The following CHEK2 variants were observed in gnomAD, a reference collection of about 807,000 sequenced individuals.
CHEK2 encodes serine/threonine-protein kinase Chk2.
A neutral mutation model predicts 69.1 loss-of-function variants in CHEK2; 71 were observed. That is an observed-to-expected ratio of 1.03 (90% CI 0.85 to 1.25). CHEK2 has a LOEUF of 1.25. CHEK2 is among the 50% of genes most tolerant of loss of function. The pLI is 0.00. For missense variants in CHEK2, 664 were observed against 649.6 expected (o/e 1.02, Z -0.24); for synonymous variants, 189 against 226.9 (o/e 0.83, Z 1.50).
At chr22:28,721,281 G>GTTTTTTTTTTTTTTTTT (rs755378917) in intron 4 of CHEK2, among the ~76,000 whole-genome samples, 1 of 109,948 alleles carries the variant, frequency 9.1e-6, no homozygotes, top group African/African-American at 3.5e-5. Context: ...GTTTGTTTGG[G>GTTTTTTTTTTTTTTTTT]TTTTTTTTTT....
At chr22:28,737,642 A>G (rs1224287278) in intron 1 of CHEK2, among the ~76,000 whole-genome samples, 3 of 151,578 alleles carry the variant, frequency 2.0e-5, no homozygotes, top group Non-Finnish European at 2.9e-5. Flanking sequence ...GCTAATTTGT[A>G]TATTTTTTTT....
intron 5 of CHEK2, among the ~76,000 whole-genome samples, chr22:28,718,848 C>T (rs2053669113): frequency 6.6e-6 from 1 of 151,462 alleles, no homozygotes; most frequent in African/African-American, 2.4e-5. Flanking sequence ...TACCACTGCA[C>T]TCCAGCCTGT....
Position 28,703,555 on chromosome 22 carries a change from G to C in CHEK2, c.858C>G (p.Ile286Met), listed in dbSNP as rs2145878513. The C allele has an allele frequency of 6.4e-7, 1 of 1,559,322 alleles. No homozygotes were observed. Among genetic ancestry groups the C allele is most frequent in the South Asian group, 1.1e-5 (1 of 87,992 alleles). Residue 286 changes from isoleucine to methionine, a missense_variant, in exon 8 of 15, where the codon ATC (isoleucine) becomes ATG (methionine). By Grantham distance (10) the Ile-to-Met change is conservative. Coordinates refer to ENST00000404276, the MANE Select transcript of CHEK2 (RefSeq NM_007194.4). ...ILKKLNHPCI[I>M]KIKNFFDAED... ...CTGCATCAAAAAAGTTTTTAATCTT[G>C]ATGATGCAAGGCTAAGAAGAGGGGG...
chr22:28,717,431 GAATT>G (rs2145990382), intron 5 of CHEK2, among the ~76,000 whole-genome samples: 1 of 152,152 alleles, frequency 6.6e-6, no homozygotes, highest in African/African-American at 2.4e-5. Flanking sequence ...TTTACCTAAT[GAATT>G]AATATAAAAA....
Position 28,709,984 on chromosome 22 carries a change from T to C in CHEK2, c.846+22A>G, listed in dbSNP as rs376417788. The stretch of plus-strand genomic sequence containing the variant: ...ATTTTGAGATAGATAAATCTAAGTA[T>C]GAGTCATATAATAATACTTACATGA... On this transcript the variant is annotated intron_variant, in intron 7 of 14. Coordinates refer to ENST00000404276, the MANE Select transcript of CHEK2 (RefSeq NM_007194.4). 1.5e-5 allele frequency: 19 copies of C among 1,246,174 alleles called. No individual in the cohort carries two copies. In the African/African-American group the frequency reaches 2.8e-4, roughly 18 times the overall value. 77.2% of individuals were successfully genotyped at this position (1,246,174 alleles called of 1,614,324 possible). A position where few individuals can be genotyped will look rare whatever the true frequency, so the allele number is the denominator to read the frequency against.
At chr22:28,738,393 G>A (rs756714465) in intron 1 of CHEK2, among the ~76,000 whole-genome samples, 4 of 152,168 alleles carry the variant, frequency 2.6e-5, no homozygotes, top group Non-Finnish European at 5.9e-5. Flanking sequence ...AAGTTACTAT[G>A]AGAGATTAGA....
chr22:28,696,327 T>C (rs1174465561), intron 10 of CHEK2, among the ~76,000 whole-genome samples: 1 of 152,202 alleles, frequency 6.6e-6, no homozygotes. Context: ...TCTAAAGTGA[T>C]GCCAGACTTG....
chr22:28,704,989 C>G (rs5762752), intron 7 of CHEK2, among the ~76,000 whole-genome samples: 91,412 of 151,366 alleles, frequency 0.6, 28,490 homozygotes, highest in South Asian at 0.78. Flanking sequence ...AATGAAAAAG[C>G]CAAGTCAGAA....
Position 28,725,135 on chromosome 22 carries a change from G to A in CHEK2, c.445-11C>T, listed in dbSNP as rs1024561307. On this transcript the variant is annotated splice_polypyrimidine_tract_variant and intron_variant, in intron 3 of 14. Coordinates refer to ENST00000404276, the MANE Select transcript of CHEK2 (RefSeq NM_007194.4). ...TTTAGGACCCACTTCCTAAAATAGA[G>A]AACATTTTGTTTCAGACTTTGAATA... 1.9e-6 allele frequency: 3 copies of A among 1,613,898 alleles called. No individual in the cohort carries two copies. The highest frequency in any genetic ancestry group is 1.3e-5 in the African/African-American group (1 of 74,902).
At chr22:28,733,289 G>A (rs948460309) in intron 2 of CHEK2, among the ~76,000 whole-genome samples, 8 of 152,220 alleles carry the variant, frequency 5.3e-5, no homozygotes, top group African/African-American at 1.7e-4. Flanking sequence ...GCAAACCACA[G>A]CAGAGGTTAA....
chr22:28,727,507 C>T (rs934530949), intron 2 of CHEK2, among the ~76,000 whole-genome samples: 2 of 152,156 alleles, frequency 1.3e-5, no homozygotes, highest in East Asian at 3.8e-4. Flanking sequence ...AGCTGGAGAC[C>T]TCTTGTTTAA....
intron 1 of CHEK2, chr22:28,738,178 C>T (rs1205306769): frequency 1.3e-5 from 2 of 152,250 alleles, no homozygotes; most frequent in African/African-American, 4.8e-5. Context: ...GCACTCCAGC[C>T]TGGGTGACAG....
At chr22:28,737,677 T>C (rs2054452800) in intron 1 of CHEK2, among the ~76,000 whole-genome samples, 1 of 151,954 alleles carries the variant, frequency 6.6e-6, no homozygotes, top group African/African-American at 2.4e-5. Context: ...TTTCACCGTA[T>C]TGGCCAGCCT....
intron 7 of CHEK2, chr22:28,708,867 G>A (rs2053270840): frequency 7.2e-6 from 2 of 278,344 alleles, no homozygotes; most frequent in South Asian, 6.4e-5. Context: ...ACAGGAGAAT[G>A]GCGTGAACCC....
rs745646057 is a variant in CHEK2, at chr22:28,725,020, C to G, written c.549G>C (p.Leu183Phe). 8.7e-6 allele frequency: 14 copies of G among 1,613,880 alleles called. No individual in the cohort carries two copies. The highest frequency in any genetic ancestry group is 1.2e-5 in the Non-Finnish European group (14 of 1,179,950). Residue 183 changes from leucine (L) to phenylalanine (F), a missense_variant, in exon 4 of 15, where the codon TTG becomes TTC. Transcript: ENST00000404276. Reference sequence around the variant, plus strand: ...ACAGTGCAATTTCAGAATTGTTATTCAAAGGACGGCGTTTTCCTTTCCCTA... The same window carrying G: ...ACAGTGCAATTTCAGAATTGTTATTGAAAGGACGGCGTTTTCCTTTCCCTA... ...ELVGKGKRRP[L>F]NNNSEIALSL...
chr22:28,741,325 C>A (rs192026424), intron 1 of CHEK2, among the ~76,000 whole-genome samples: 54 of 151,222 alleles, frequency 3.6e-4, no homozygotes, highest in Non-Finnish European at 6.5e-4. Flanking sequence ...CCACTTCTGG[C>A]CACCCTATCC....
At chr22:28,713,519 G>A (rs551705775) in intron 5 of CHEK2, among the ~76,000 whole-genome samples, 2 of 151,778 alleles carry the variant, frequency 1.3e-5, no homozygotes, top group Admixed American at 6.6e-5. Context: ...ACCACGCCCG[G>A]CTAATCTTTT....
chr22:28,711,626 AC>A (rs1301907174), intron 6 of CHEK2, among the ~76,000 whole-genome samples: 1 of 152,108 alleles, frequency 6.6e-6, no homozygotes, highest in Non-Finnish European at 1.5e-5. Context: ...TATTGTAAAA[AC>A]AATCTTGTAA....
chr22:28,720,396 A>C (rs1276655908), intron 4 of CHEK2, among the ~76,000 whole-genome samples: 12 of 152,098 alleles, frequency 7.9e-5, no homozygotes, highest in Admixed American at 7.9e-4. Context: ...CAGCCAAAAA[A>C]AAAAAAAGTA....
Sources: allele counts gnomAD v4.1 joint callset (sites outside exome capture counted in the v4.1 genomes callset), GRCh38; gene constraint gnomAD v4.1.1; transcripts MANE v1.5; gene names NCBI Gene and HGNC (gene_info 2026-07-23, HGNC 2026-07-21).